Variants in RABGEF1 observed in about 807,000 individuals in gnomAD.
RABGEF1 encodes the protein rab5 GDP/GTP exchange factor.
Under a neutral mutation model 57.3 loss-of-function variants are expected in RABGEF1, and 26 were observed. The observed-to-expected ratio is 0.45, with a 90% CI of 0.33 to 0.63. RABGEF1 has a LOEUF of 0.63. Ranked by LOEUF, RABGEF1 falls within the 20% of genes least tolerant of loss-of-function variation. RABGEF1 has a pLI of 0.02. For synonymous variants in RABGEF1, 185 were observed against 210.7 expected (o/e 0.88, Z 1.06); for missense variants, 464 against 607.6 (o/e 0.76, Z 2.48).
At chr7:66,684,184 G>A (rs958334649) in intron 1 of RABGEF1, among the ~76,000 whole-genome samples, 1 of 152,136 alleles carries the variant, frequency 6.6e-6, no homozygotes, top group African/African-American at 2.4e-5. Context: ...GGTGGCTTAT[G>A]CCTGTAATCC....
rs199838599 is a variant in RABGEF1 at position 66,783,551 on chromosome 7, T to G, written c.347-124T>G. 2.7e-4 allele frequency: 249 copies of G among 926,712 alleles called. 2 individuals carry two copies. The East Asian group carries it at 4.5e-3, about 17-fold the overall frequency. 57.4% of individuals were successfully genotyped at this position (926,712 alleles called of 1,614,324 possible). On this transcript the variant is annotated intron_variant, in intron 3 of 8. Coordinates refer to ENST00000284957, the MANE Select transcript of RABGEF1 (RefSeq NM_014504.3). The stretch of plus-strand genomic sequence containing the variant: ...TTGTCCAACCATTCAAACATAAAAT[T>G]ATTTAAATTCAAGTTTAACTTTGAT...
Position 66,797,986 on chromosome 7 carries a change from G to A in RABGEF1, c.728+480G>A, listed in dbSNP as rs146698558. Among the ~76,000 whole-genome samples, 334 of 152,228 alleles carry A rather than the reference G, an allele frequency of 2.2e-3. 1 individual carries two copies. The highest frequency in any genetic ancestry group is 7.5e-3 in the African/African-American group (312 of 41,532). On this transcript the variant is annotated intron_variant, in intron 6 of 8. Transcript: ENST00000284957. ...ACAAAAATTAGCCAGGCATGGTGGC[G>A]CACGCCTGTGATCCCAGCTACTTGG...
At chr7:66,799,676 T>G (rs1786833887) in intron 7 of RABGEF1, among the ~76,000 whole-genome samples, 1 of 152,158 alleles carries the variant, frequency 6.6e-6, no homozygotes, top group Non-Finnish European at 1.5e-5. Context: ...GAATAAATTT[T>G]TTTTCTTTTT....
At position 66,809,997 on chromosome 7, in the gene RABGEF1, T is replaced by C. The variant is rs1414429395; in HGVS notation, c.*713T>C. 2 of 152,376 alleles carry C rather than the reference T, an allele frequency of 1.3e-5. No homozygotes were observed. Among genetic ancestry groups the C allele is most frequent in the African/African-American group, 2.4e-5 (1 of 41,444 alleles). 9.4% of individuals were successfully genotyped at this position (152,376 alleles called of 1,614,324 possible). ...AGAATAAAGTTTAGGCCACATAAAA[T>C]TGCTGTTTAATGTAGTCGATGGAAG... On this transcript the variant is annotated 3_prime_UTR_variant, in exon 9 of 9. Transcript: ENST00000284957.
intron 2 of RABGEF1, among the ~76,000 whole-genome samples, chr7:66,727,302 C>G (rs1260967399): frequency 1.3e-5 from 2 of 152,188 alleles, no homozygotes; most frequent in African/African-American, 4.8e-5. Context: ...GTCCGTGGGA[C>G]AGGGTGAGTC....
At chr7:66,733,697 CAACA>C (rs750559076) in intron 2 of RABGEF1, among the ~76,000 whole-genome samples, 7 of 151,126 alleles carry the variant, frequency 4.6e-5, no homozygotes, top group Admixed American at 2.0e-4. Flanking sequence ...GGCTCCATCT[CAACA>C]AAACAAAACA....
intron 1 of RABGEF1, among the ~76,000 whole-genome samples, chr7:66,742,258 T>A (rs1562765677): frequency 6.6e-6 from 1 of 152,256 alleles, no homozygotes. Flanking sequence ...AATAACATTT[T>A]GCTTTTAAGA....
chr7:66,737,522 C>G (rs1798141437), upstream of RABGEF1, among the ~76,000 whole-genome samples: 1 of 151,958 alleles, frequency 6.6e-6, no homozygotes, highest in Admixed American at 6.6e-5. Flanking sequence ...GGGAAGGAGG[C>G]ATGGTGTGTA....
chr7:66,706,451 C>T (rs1257722439), intron 1 of RABGEF1, among the ~76,000 whole-genome samples: 1 of 152,112 alleles, frequency 6.6e-6, no homozygotes. Context: ...CGCTCCGTCC[C>T]CAGGCTGGAG....
At chr7:66,712,064 C>G (rs1194233742) in intron 1 of RABGEF1, 1 of 152,158 alleles carries the variant, frequency 6.6e-6, no homozygotes, top group African/African-American at 2.4e-5. Flanking sequence ...TTTGCTTTGG[C>G]TATTCTAATT....
chr7:66,794,934 T>A (rs1444723030), intron 4 of RABGEF1, among the ~76,000 whole-genome samples: 1 of 152,170 alleles, frequency 6.6e-6, no homozygotes, highest in Non-Finnish European at 1.5e-5. Flanking sequence ...ATATGTAAAT[T>A]ATCAAAACAT....
At chr7:66,661,323 G>C in the RABGEF1 span, among the ~76,000 whole-genome samples, 1 of 126,632 alleles carries the variant, frequency 7.9e-6, no homozygotes, top group Non-Finnish European at 1.7e-5. Flanking sequence ...AAAAATGAGG[G>C]CGTTACTGTG....
chr7:66,796,314 C>T (rs1383130071), intron 5 of RABGEF1, among the ~76,000 whole-genome samples: 2 of 152,072 alleles, frequency 1.3e-5, no homozygotes, highest in Admixed American at 1.3e-4. Flanking sequence ...TTAGGATATA[C>T]TTAGCACATG....
At chr7:66,762,759 G>A (rs1390878958) in intron 1 of RABGEF1, among the ~76,000 whole-genome samples, 2 of 152,134 alleles carry the variant, frequency 1.3e-5, no homozygotes, top group Admixed American at 6.5e-5. Context: ...AGGACATGGA[G>A]AAATGGCATT....
rs1041505929 is a variant in RABGEF1, at chr7:66,810,254, T to G, written c.*970T>G. On this transcript the variant is annotated 3_prime_UTR_variant, in exon 9 of 9. Coordinates refer to ENST00000284957, the MANE Select transcript of RABGEF1 (RefSeq NM_014504.3). The stretch of plus-strand genomic sequence containing the variant: ...GTCTAGACATGTTTTCTGAACCTTT[T>G]TCAGGACATTTCAACCTCGGGACTA... 4.6e-5 allele frequency: 7 copies of G among 152,192 alleles called. No homozygotes were observed. Among genetic ancestry groups the G allele is most frequent in the African/African-American group, 1.4e-4 (6 of 41,448 alleles). The allele number at this position is 152,192 out of a possible 1,614,324, so 9.4% of individuals were successfully genotyped here. A position where few individuals can be genotyped will look rare whatever the true frequency, so the allele number is the denominator to read the frequency against.
the RABGEF1 span, among the ~76,000 whole-genome samples, chr7:66,657,566 A>G: frequency 3.9e-5 from 6 of 152,246 alleles, no homozygotes; most frequent in Non-Finnish European, 8.8e-5. Flanking sequence ...TCATGCCAAC[A>G]TCCCAGTATT....
At chr7:66,736,236 C>G (rs1270600821), upstream of RABGEF1, among the ~76,000 whole-genome samples, 1 of 152,172 alleles carries the variant, frequency 6.6e-6, no homozygotes, top group Non-Finnish European at 1.5e-5. Flanking sequence ...CTCAGATAAA[C>G]CCTATCCCCA....
intron 1 of RABGEF1, among the ~76,000 whole-genome samples, chr7:66,762,506 C>A (rs1212936339): frequency 6.6e-6 from 1 of 151,966 alleles, no homozygotes; most frequent in Non-Finnish European, 1.5e-5. Context: ...GAGAGGGTCG[C>A]TTGAGCCTGG....
upstream of RABGEF1, chr7:66,740,229 TC>T (rs1798601061): frequency 6.5e-6 from 1 of 152,800 alleles, no homozygotes; most frequent in Non-Finnish European, 1.5e-5. Context: ...TGCCTGGGCC[TC>T]CTAAAGATTC....
Sources: allele counts gnomAD v4.1 joint callset (sites outside exome capture counted in the v4.1 genomes callset), GRCh38; gene constraint gnomAD v4.1.1; transcripts MANE v1.5; gene names NCBI Gene and HGNC (gene_info 2026-07-23, HGNC 2026-07-21).